The following HUS1 variants were observed in gnomAD, a reference collection of about 807,000 sequenced individuals.
The protein encoded by HUS1 is HUS1 checkpoint clamp component.
A neutral mutation model predicts 32.6 loss-of-function variants in HUS1; 31 were observed. The observed-to-expected ratio is 0.95, with a 90% CI of 0.72 to 1.28. The LOEUF is 1.28. HUS1 is among the 50% of genes most tolerant of loss of function. The pLI, the probability that HUS1 is intolerant of heterozygous loss-of-function variation, is 0.00. For missense variants in HUS1, 340 were observed against 337.7 expected, an observed-to-expected ratio of 1.01 and a Z score of -0.05; for synonymous variants, 123 against 116.6, an observed-to-expected ratio of 1.06 and a Z score of -0.36.
intron 5 of HUS1, among the ~76,000 whole-genome samples, chr7:47,970,288 C>A (rs1040216264): frequency 1.6e-5 from 2 of 121,544 alleles, no homozygotes; most frequent in Admixed American, 8.1e-5. Context: ...TATGACACAA[C>A]AACATAAATC....
In HUS1 at chr7:47,973,895, G is replaced by A. The variant is rs552502423; in HGVS notation, c.540+1718C>T. 2.0e-4 allele frequency among the ~76,000 whole-genome samples: 30 copies of A among 152,216 alleles called. 1 individual carries two copies. The highest frequency in any genetic ancestry group is 7.2e-4 in the African/African-American group (30 of 41,532). On this transcript the variant is annotated intron_variant, in intron 5 of 7. Coordinates refer to ENST00000258774, the MANE Select transcript of HUS1 (RefSeq NM_004507.4). ...AACAGCCCTGTCTTTTCTCTCCTGG[G>A]CCTCTCTGAATTTCTCTGGAAGTCC... is the stretch of plus-strand genomic sequence containing the variant.
Position 47,978,718 on chromosome 7 carries a change from C to T in HUS1, c.151G>A (p.Gly51Arg), listed in dbSNP as rs1788762205. Residue 51 changes from glycine (G) to arginine (R), a missense_variant, in exon 2 of 8, where the codon GGA becomes AGA. Physicochemically the swap from Gly to Arg is moderately radical, Grantham distance 125. Transcript: ENST00000258774. ...TCCAGCTCACACCACATGCTCACTC[C>T]TCCATTAGCCAGCTTGTCACAAAGG... ...FILCDKLANGGVSMWCELEQE... is the reference protein window; with the variant it reads ...FILCDKLANGRVSMWCELEQE... 1 of 1,614,100 alleles carries T rather than the reference C, an allele frequency of 6.2e-7. No homozygotes were observed. Among genetic ancestry groups the T allele is most frequent in the Admixed American group, 1.7e-5 (1 of 60,008 alleles).
rs747002138 is a variant in HUS1 at position 47,965,325 on chromosome 7, GTC to G, written c.*29_*30del. On this transcript the variant is annotated 3_prime_UTR_variant, in exon 8 of 8. Coordinates refer to ENST00000258774, the MANE Select transcript of HUS1 (RefSeq NM_004507.4). ...CTGCGGCCTCTCCCATCCTGACAAA[GTC>G]TCTGCATGCCAACTCCAGCGACAGG... 1.7e-5 allele frequency: 25 copies of G among 1,505,188 alleles called. No homozygotes were observed. The African/African-American group carries it at 3.3e-4, about 20-fold the overall frequency. 93.2% of individuals were successfully genotyped at this position (1,505,188 alleles called of 1,614,324 possible). A position where few individuals can be genotyped will look rare whatever the true frequency, so the allele number is the denominator to read the frequency against.
intron 3 of HUS1, among the ~76,000 whole-genome samples, chr7:47,977,375 G>A (rs975651824): frequency 8.6e-5 from 13 of 151,908 alleles, no homozygotes; most frequent in African/African-American, 1.9e-4. Flanking sequence ...AGGACACTCA[G>A]AGTGCTGCAG....
intron 3 of HUS1, among the ~76,000 whole-genome samples, chr7:47,977,321 C>A (rs1232420453): frequency 2.0e-5 from 3 of 152,144 alleles, no homozygotes. Context: ...AAGAAGCAAG[C>A]CTGCTATGTT....
chr7:47,975,564 C>T (rs369515358), intron 5 of HUS1, 49 bp downstream of exon 5: 12 of 1,244,566 alleles, frequency 9.6e-6, no homozygotes, highest in South Asian at 6.1e-5. Context: ...GAACCCACGC[C>T]GTCCCACCAA....
At position 47,969,338 on chromosome 7, in the gene HUS1, CAT is replaced by C. The variant is rs756267483; in HGVS notation, c.541-22_541-21del. The C allele has an allele frequency of 1.5e-5, 21 of 1,388,286 alleles. No individual in the cohort carries two copies. The African/African-American group carries it at 2.6e-4, about 17-fold the overall frequency. The allele number at this position is 1,388,286 out of a possible 1,614,324, so 86.0% of individuals were successfully genotyped here. A position where few individuals can be genotyped will look rare whatever the true frequency, so the allele number is the denominator to read the frequency against. ...AATAACCTGCAAATTGAGTATTTTACATAGTCTTAGAAAAGGAAGCCAAAAGG... is the reference window on the plus strand; with the variant it reads ...AATAACCTGCAAATTGAGTATTTTACAGTCTTAGAAAAGGAAGCCAAAAGG... On this transcript the variant is annotated intron_variant, in intron 5 of 7. Coordinates refer to ENST00000258774, the MANE Select transcript of HUS1 (RefSeq NM_004507.4).
Position 47,978,675 on chromosome 7 carries a change from A to T in HUS1, c.180+14T>A, listed in dbSNP as rs753744805. The T allele has an allele frequency of 6.2e-7, 1 of 1,613,992 alleles. No individual in the cohort carries two copies. Among genetic ancestry groups the T allele is most frequent in the East Asian group, 2.2e-5 (1 of 44,890 alleles). ...TCTGCAGAGTGTGCAGGCCTCTCAG[A>T]AGCTTTTGCTCACCTGTTCCAGCTC... On this transcript the variant is annotated intron_variant, in intron 2 of 7. Transcript: ENST00000258774.
Position 47,978,409 on chromosome 7 carries a change from C to T in HUS1, c.357+8G>A, listed in dbSNP as rs767501243. 3 of 1,611,502 alleles carry T rather than the reference C, an allele frequency of 1.9e-6. No homozygotes were observed. The highest frequency in any genetic ancestry group is 2.2e-5 in the South Asian group (2 of 91,030). ...TTCTGTGTTAGAAACCCTGACTCTC[C>T]TACTCACCAGCTCCACGGAGACCGT... is the stretch of plus-strand genomic sequence containing the variant. On this transcript the variant is annotated splice_region_variant and intron_variant, in intron 3 of 7. Transcript: ENST00000258774.
At chr7:47,976,338 G>A (rs1324196853) in intron 4 of HUS1, 4 of 458,556 alleles carry the variant, frequency 8.7e-6, no homozygotes, top group African/African-American at 6.0e-5. Flanking sequence ...CCCCATGTTA[G>A]CCCTAAGCCA....
chr7:47,970,832 C>T lies in HUS1; in HGVS notation c.541-1514G>A, dbSNP rs557571437. The stretch of plus-strand genomic sequence containing the variant: ...CATTCTTTTTGATAGCAATAATATA[C>T]ACCAGCAGACAATGCAGTGCAGTGA... On this transcript the variant is annotated intron_variant, in intron 5 of 7. Coordinates refer to ENST00000258774, the MANE Select transcript of HUS1 (RefSeq NM_004507.4). Among the ~76,000 whole-genome samples the T allele has an allele frequency of 1.2e-4, 18 of 152,344 alleles. No individual in the cohort carries two copies. In the South Asian group the frequency reaches 3.7e-3, roughly 32 times the overall value.
rs752687174 is a variant in HUS1, at chr7:47,963,772, G to A, written c.*1584C>T. On this transcript the variant is annotated 3_prime_UTR_variant, in exon 8 of 8. Transcript: ENST00000258774. ...AATACAAAAATTAGCCGGGCGTGGT[G>A]GCATGCGCCTGTAGTCCCAGCTACT... The A allele has an allele frequency of 2.0e-5, 3 of 152,072 alleles. No homozygotes were observed. Among genetic ancestry groups the A allele is most frequent in the Non-Finnish European group, 4.4e-5 (3 of 68,030 alleles). The allele number at this position is 152,072 out of a possible 1,614,324, so 9.4% of individuals were successfully genotyped here. A position where few individuals can be genotyped will look rare whatever the true frequency, so the allele number is the denominator to read the frequency against.
At chr7:47,966,388 G>A (rs982583567) in intron 7 of HUS1, among the ~76,000 whole-genome samples, 4 of 152,192 alleles carry the variant, frequency 2.6e-5, no homozygotes, top group African/African-American at 9.6e-5. Flanking sequence ...AGTGAATGTT[G>A]GGAAGACACT....
rs2307258 is a variant in HUS1, at chr7:47,967,782, A to C, written c.760+24T>G. The C allele has an allele frequency of 1.4e-3, 2,249 of 1,605,082 alleles. 35 individuals are homozygous for C. In the African/African-American group the frequency reaches 0.026, roughly 18 times the overall value. ...ATTTAGAATATGAAAGAATATGAAAAACAAAACAGAGAAGCACACTCACTG... is the reference window on the plus strand; with the variant it reads ...ATTTAGAATATGAAAGAATATGAAACACAAAACAGAGAAGCACACTCACTG... On this transcript the variant is annotated intron_variant, in intron 7 of 7. Transcript: ENST00000258774.
At chr7:47,972,254 GT>G (rs1185693986) in intron 5 of HUS1, among the ~76,000 whole-genome samples, 1 of 152,064 alleles carries the variant, frequency 6.6e-6, no homozygotes, top group Admixed American at 6.6e-5. Context: ...AAAAGCAATG[GT>G]TTTAGATATA....
rs753730320 is a variant in HUS1 at position 47,967,943 on chromosome 7, C to T, written c.641-18G>A. 7.5e-6 allele frequency: 12 copies of T among 1,603,696 alleles called. No individual in the cohort carries two copies. Among genetic ancestry groups the T allele is most frequent in the Non-Finnish European group, 1.0e-5 (12 of 1,175,690 alleles). ...TTCAGAGGCTAAAATGATAGGAATG[C>T]ATTTAAATACAACATCTTCCCACGT... On this transcript the variant is annotated intron_variant, in intron 6 of 7. Coordinates refer to ENST00000258774, the MANE Select transcript of HUS1 (RefSeq NM_004507.4).
chr7:47,965,565 GCAGAGA>G, intron 7 of HUS1, 127 bp from the exon 8 acceptor site: 1 of 643,004 alleles, frequency 1.6e-6, no homozygotes, highest in Non-Finnish European at 2.8e-6. Context: ...TGAGGCAGCT[GCAGAGA>G]CCACAGTCTC....
At position 47,979,468 on chromosome 7, in the gene HUS1, G is replaced by T. The variant is rs1432395084; in HGVS notation, c.52C>A (p.Arg18=). ...GCTCCTCTCCGGCCTCCCTGCTCAC[G>T]TGTGAAGTGGTTCAGACAGGCCCCG... The part of the protein sequence containing the change: ...VDGACLNHFT[R]ISNMIAKLAK... Residue 18 remains arginine (R), a splice_region_variant and synonymous_variant, in exon 1 of 8, where the codon CGA becomes AGA. Transcript: ENST00000258774. 2 of 1,613,238 alleles carry T rather than the reference G, an allele frequency of 1.2e-6. No individual in the cohort carries two copies.
chr7:47,979,394 C>T, intron 1 of HUS1, 74 bp downstream of exon 1: 1 of 1,567,208 alleles, frequency 6.4e-7, no homozygotes, highest in Non-Finnish European at 8.7e-7. Context: ...TTCTGATCCT[C>T]CTGCGCGGTC....
Sources: allele counts gnomAD v4.1 joint callset (sites outside exome capture counted in the v4.1 genomes callset), GRCh38; gene constraint gnomAD v4.1.1; transcripts MANE v1.5; gene names NCBI Gene and HGNC (gene_info 2026-07-23, HGNC 2026-07-21).